The following SYNE1 variants were observed in gnomAD, a reference collection of about 807,000 sequenced individuals.
SYNE1 encodes the protein spectrin repeat containing nuclear envelope protein 1.
In SYNE1, 616 loss-of-function variants were observed where a neutral mutation model predicts 1,111.0. The ratio of observed to expected loss-of-function variants is 0.55; its 90% confidence interval spans 0.52 to 0.59. SYNE1 has a LOEUF of 0.59. Ranked by LOEUF, SYNE1 falls within the 20% of genes least tolerant of loss-of-function variation. The pLI is 0.00. For synonymous variants in SYNE1, 3,855 were observed against 3,825.8 expected, an observed-to-expected ratio of 1.01 and a Z score of -0.28; for missense variants, 10,006 against 10,417.0, an observed-to-expected ratio of 0.96 and a Z score of 1.72.
chr6:152,334,997 T>C (rs1367500003), intron 76 of SYNE1, among the ~76,000 whole-genome samples: 1 of 152,152 alleles, frequency 6.6e-6, no homozygotes, highest in African/African-American at 2.4e-5. Flanking sequence ...ATTCGCAAAG[T>C]GGAAAGGCAA....
intron 102 of SYNE1, 31 bp from the exon 103 acceptor site, chr6:152,255,777 A>C: frequency 6.2e-7 from 1 of 1,613,578 alleles, no homozygotes. Flanking sequence ...TCAAATAATC[A>C]ATTTCAGTGT....
intron 140 of SYNE1, among the ~76,000 whole-genome samples, chr6:152,138,470 C>T (rs904919071): frequency 6.9e-4 from 104 of 151,652 alleles, no homozygotes; most frequent in East Asian, 5.8e-4. Flanking sequence ...AAGATCGCAC[C>T]ACTGCACTCT....
At chr6:152,550,055 GTCT>G (rs1202172820) in intron 3 of SYNE1, among the ~76,000 whole-genome samples, 2 of 152,120 alleles carry the variant, frequency 1.3e-5, no homozygotes, top group African/African-American at 4.8e-5. Flanking sequence ...ATTATAGGAT[GTCT>G]AGCAATGTCA....
chr6:152,574,531 T>G (rs2099488653), intron 3 of SYNE1, among the ~76,000 whole-genome samples: 1 of 152,168 alleles, frequency 6.6e-6, no homozygotes, highest in Admixed American at 6.5e-5. Flanking sequence ...TCTTTGTTGG[T>G]TGATTAAGCT....
At position 152,149,538 on chromosome 6, in the gene SYNE1, C is replaced by T. The variant is rs771864399; in HGVS notation, c.24581G>A (p.Arg8194Gln). ...ACGCCCGAAGACCTCCTGGCAGTAC[C>T]GTCGGAGCTCATCTAGTTCCTCCTC... ...IIEEELDELR[R>Q]YCQEVFGRVE... Residue 8194 changes from arginine (R) to glutamine (Q), a missense_variant, in exon 136 of 146, where the codon CGG becomes CAG. This residue lies in a region of SYNE1 where 761 missense variants were observed against 795.5 expected (regional missense o/e 0.96). Transcript: ENST00000367255. 1.9e-6 allele frequency: 3 copies of T among 1,614,154 alleles called. No homozygotes were observed. The highest frequency in any genetic ancestry group is 2.2e-5 in the South Asian group (2 of 91,082).
At chr6:152,163,515 A>AAG (rs1554460145) in intron 131 of SYNE1, among the ~76,000 whole-genome samples, 21 of 151,304 alleles carry the variant, frequency 1.4e-4, no homozygotes, top group African/African-American at 3.6e-4. Context: ...AAAAAAAAAA[A>AAG]AAAGAAAGAA....
chr6:152,311,025 C>A, intron 87 of SYNE1, 152 bp from the exon 88 acceptor site: 2 of 739,784 alleles, frequency 2.7e-6, no homozygotes, highest in Non-Finnish European at 2.3e-6. Flanking sequence ...TACTTGGTAG[C>A]CACTTACTAT....
At chr6:152,605,820 A>T (rs960064088) in intron 3 of SYNE1, among the ~76,000 whole-genome samples, 10 of 152,164 alleles carry the variant, frequency 6.6e-5, no homozygotes, top group African/African-American at 2.4e-4. Flanking sequence ...CTAATTTAAA[A>T]AGGTATTTTT....
intron 141 of SYNE1, 64 bp downstream of exon 141, chr6:152,136,554 C>G: frequency 2.5e-6 from 4 of 1,592,230 alleles, no homozygotes; most frequent in Non-Finnish European, 3.4e-6. Flanking sequence ...TACATCAAGT[C>G]ACACACTCAG....
intron 139 of SYNE1, 53 bp downstream of exon 139, chr6:152,141,150 T>A: frequency 6.2e-7 from 1 of 1,613,244 alleles, no homozygotes; most frequent in Non-Finnish European, 8.5e-7. Flanking sequence ...GTTAACAAAG[T>A]GCTTCAGGAT....
At chr6:152,346,415 C>G (rs903263788) in intron 73 of SYNE1, among the ~76,000 whole-genome samples, 2 of 152,160 alleles carry the variant, frequency 1.3e-5, no homozygotes, top group Admixed American at 6.5e-5. Context: ...GATTCACCTG[C>G]TTTGGCCTCC....
intron 85 of SYNE1, 97 bp downstream of exon 85, chr6:152,318,766 G>T (rs1341905705): frequency 6.8e-7 from 1 of 1,462,384 alleles, no homozygotes; most frequent in South Asian, 1.2e-5. Context: ...TTTTAAAAAA[G>T]GTTCCTAAAA....
chr6:152,429,441 T>C (rs1041617585), intron 36 of SYNE1, among the ~76,000 whole-genome samples: 1 of 152,214 alleles, frequency 6.6e-6, no homozygotes, highest in Non-Finnish European at 1.5e-5. Flanking sequence ...ATTATCAATA[T>C]TTAAACAATA....
chr6:152,549,051 A>AG (rs1176411863), intron 3 of SYNE1, among the ~76,000 whole-genome samples: 2 of 152,190 alleles, frequency 1.3e-5, no homozygotes, highest in African/African-American at 4.8e-5. Context: ...ACTAACCACC[A>AG]GGCACGTGAA....
intron 140 of SYNE1, 148 bp downstream of exon 140, chr6:152,139,802 G>A (rs1339457435): frequency 2.7e-6 from 2 of 749,478 alleles, no homozygotes; most frequent in East Asian, 2.7e-5. Context: ...TGGGATGGCT[G>A]GAGGTGAGGA....
chr6:152,127,711 C>T (rs1403182977), intron 145 of SYNE1: 1 of 152,128 alleles, frequency 6.6e-6, no homozygotes, highest in African/African-American at 2.4e-5. Context: ...GGGAGAGGCT[C>T]TGTGCTGAGG....
rs754901645 is a variant in SYNE1, at chr6:152,321,205, T to C, written c.16236+33A>G. On this transcript the variant is annotated intron_variant, in intron 84 of 145. Coordinates refer to ENST00000367255, the MANE Select transcript of SYNE1 (RefSeq NM_182961.4). ...AAGAGGACTGACCCTATAAACAAAA[T>C]GGAAAGACACTCTTTCTTGATCATA... 27 of 1,611,888 alleles carry C rather than the reference T, an allele frequency of 1.7e-5. No individual in the cohort carries two copies. In the East Asian group the frequency reaches 4.9e-4, roughly 29 times the overall value.
chr6:152,162,078 A>G (rs1250064133), intron 131 of SYNE1, among the ~76,000 whole-genome samples: 1 of 152,202 alleles, frequency 6.6e-6, no homozygotes, highest in Non-Finnish European at 1.5e-5. Flanking sequence ...TACCTGAGTA[A>G]AGGAAGCAGA....
intron 145 of SYNE1, chr6:152,128,692 A>C (rs565847320): frequency 3.5e-4 from 54 of 152,368 alleles, no homozygotes; most frequent in African/African-American, 1.3e-3. Context: ...AGACTGCTGG[A>C]AACAACATTC....
Sources: allele counts gnomAD v4.1 joint callset (sites outside exome capture counted in the v4.1 genomes callset), GRCh38; gene constraint gnomAD v4.1.1; regional missense constraint gnomAD v4.1.1; transcripts MANE v1.5; gene names NCBI Gene and HGNC (gene_info 2026-07-23, HGNC 2026-07-21).